Variants in TRIM46 observed in about 807,000 individuals in gnomAD.
The protein encoded by TRIM46 is tripartite motif containing 46, also known as tripartite motif-containing protein 46.
A neutral mutation model predicts 69.7 loss-of-function variants in TRIM46; 17 were observed. The observed-to-expected ratio is 0.24, with a 90% CI of 0.17 to 0.37. TRIM46 has a LOEUF of 0.37. Ranked by LOEUF, TRIM46 falls within the 10% of genes least tolerant of loss-of-function variation. The probability of loss-of-function intolerance (pLI) is 1.00; values close to 1 mark genes in which losing one functional copy is unlikely to be tolerated. For synonymous variants in TRIM46, 391 were observed against 429.0 expected, an observed-to-expected ratio of 0.91 and a Z score of 1.09; for missense variants, 675 against 1,025.1, an observed-to-expected ratio of 0.66 and a Z score of 4.66.
In TRIM46 at chr1:155,175,859, T is replaced by C. The variant is rs1438991265; in HGVS notation, c.326-29T>C. ...CACACCCAGCCAGCTGTAACTCTCA[T>C]GTCCTCTACCTCCCTGGTTCACCCA... On this transcript the variant is annotated intron_variant, in intron 2 of 9. Coordinates refer to ENST00000334634, the MANE Select transcript of TRIM46 (RefSeq NM_025058.5). The surrounding 1 kb of genome is among the most constrained non-coding windows in gnomAD (Gnocchi z 4.2). 7 of 1,585,376 alleles carry C rather than the reference T, an allele frequency of 4.4e-6. No individual in the cohort carries two copies. Among genetic ancestry groups the C allele is most frequent in the Non-Finnish European group, 6.0e-6 (7 of 1,166,420 alleles).
chr1:155,183,944 C>T lies in TRIM46; in HGVS notation c.2034C>T (p.Gly678=), dbSNP rs1175080875. The change falls in exon 10 of 10, where the codon GGC becomes GGT. Residue 678 remains glycine, a synonymous_variant. Coordinates refer to ENST00000334634, the MANE Select transcript of TRIM46 (RefSeq NM_025058.5). ...SSNAGLTGRD[G]PTAGCTVPLP... ...ACGCAGGGCTGACAGGGAGGGATGG[C>T]CCCACAGCCGGCTGCACAGTGCCCC... 22 of 1,613,762 alleles carry T rather than the reference C, an allele frequency of 1.4e-5. No homozygotes were observed. Among genetic ancestry groups the T allele is most frequent in the Non-Finnish European group, 1.9e-5 (22 of 1,180,028 alleles).
At position 155,175,689 on chromosome 1, in the gene TRIM46, T is replaced by C; in HGVS notation, c.325+42T>C. On this transcript the variant is annotated intron_variant, in intron 2 of 9. Coordinates refer to ENST00000334634, the MANE Select transcript of TRIM46 (RefSeq NM_025058.5). The surrounding 1 kb of genome is among the most constrained non-coding windows in gnomAD (Gnocchi z 4.2). ...TAGGGTGGGGATGGGAACGCTGAGCTATTCATCAGGAAGATGGAAGAAGTC... is the reference window on the plus strand; with the variant it reads ...TAGGGTGGGGATGGGAACGCTGAGCCATTCATCAGGAAGATGGAAGAAGTC... 2 of 1,611,906 alleles carry C rather than the reference T, an allele frequency of 1.2e-6. No individual in the cohort carries two copies. The highest frequency in any genetic ancestry group is 1.7e-6 in the Non-Finnish European group (2 of 1,179,910).
Position 155,184,096 on chromosome 1 carries a change from G to T in TRIM46, c.2186G>T (p.Cys729Phe), listed in dbSNP as rs768383812. The T allele has an allele frequency of 5.0e-6, 8 of 1,613,934 alleles. No homozygotes were observed. The African/African-American group carries it at 6.7e-5, about 13-fold the overall frequency. Residue 729 changes from cysteine (C) to phenylalanine (F), a missense_variant, in exon 10 of 10, where the codon TGC becomes TTC. By Grantham distance (205) the Cys-to-Phe change is radical. Coordinates refer to ENST00000334634, the MANE Select transcript of TRIM46 (RefSeq NM_025058.5). This position sits in a 1 kb window ranked among gnomAD's most constrained non-coding sequence, Gnocchi z 5.6. ...DCSGPVCPAF[C>F]FIGGGAVQLQ... ...TCAGGGCCTGTGTGCCCTGCCTTTT[G>T]CTTCATCGGGGGTGGCGCAGTACAG...
chr1:155,184,255 C>G lies in TRIM46; in HGVS notation c.*65C>G. 6.8e-7 allele frequency: 1 copy of G among 1,467,864 alleles called. No individual in the cohort carries two copies. Among genetic ancestry groups the G allele is most frequent in the Non-Finnish European group, 9.0e-7 (1 of 1,109,596 alleles). The allele number at this position is 1,467,864 out of a possible 1,614,324, so 90.9% of individuals were successfully genotyped here. A position where few individuals can be genotyped will look rare whatever the true frequency, so the allele number is the denominator to read the frequency against. On this transcript the variant is annotated 3_prime_UTR_variant, in exon 10 of 10. Transcript: ENST00000334634. The surrounding 1 kb of genome is among the most constrained non-coding windows in gnomAD (Gnocchi z 5.6). The stretch of plus-strand genomic sequence containing the variant: ...GCCCTGGCCCCCAAACCTCTTGGCA[C>G]CCGGTTGTTACCCCCTGGCAGCTTC...
At chr1:155,183,119 C>G (rs931328954) in intron 9 of TRIM46, among the ~76,000 whole-genome samples, 1 of 151,880 alleles carries the variant, frequency 6.6e-6, no homozygotes, top group African/African-American at 2.4e-5. Flanking sequence ...ACCGTGTTAG[C>G]CAGGATGGTC....
rs1050357755 is a variant in TRIM46 at position 155,184,683 on chromosome 1, C to G, written c.*493C>G. 6.3e-6 allele frequency: 1 copy of G among 159,776 alleles called. No homozygotes were observed. The highest frequency in any genetic ancestry group is 2.4e-5 in the African/African-American group (1 of 41,494). 9.9% of individuals were successfully genotyped at this position (159,776 alleles called of 1,614,324 possible). ...GTGAGGGGAAGGGGACCCTGTCATC[C>G]TGCTTTATTTATTTGGGTCCCAACA... On this transcript the variant is annotated 3_prime_UTR_variant, in exon 10 of 10. Coordinates refer to ENST00000334634, the MANE Select transcript of TRIM46 (RefSeq NM_025058.5). This position sits in a 1 kb window ranked among gnomAD's most constrained non-coding sequence, Gnocchi z 5.6.
In TRIM46 at chr1:155,175,031, C is replaced by T. The variant is rs1441226488; in HGVS notation, c.64-355C>T. On this transcript the variant is annotated intron_variant, in intron 1 of 9. Transcript: ENST00000334634. This position sits in a 1 kb window ranked among gnomAD's most constrained non-coding sequence, Gnocchi z 4.2. ...CATGGAGCTGCAGAATGGGCGGTGT[C>T]CTTGAGAAAAATGCCAGGGGCAAGC... 5 of 1,366,600 alleles carry T rather than the reference C, an allele frequency of 3.7e-6. No individual in the cohort carries two copies. Among genetic ancestry groups the T allele is most frequent in the Non-Finnish European group, 4.7e-6 (5 of 1,067,380 alleles). 84.7% of individuals were successfully genotyped at this position (1,366,600 alleles called of 1,614,324 possible). A position where few individuals can be genotyped will look rare whatever the true frequency, so the allele number is the denominator to read the frequency against.
chr1:155,178,957 C>T, intron 7 of TRIM46: 1 of 786,926 alleles, frequency 1.3e-6, no homozygotes, highest in Non-Finnish European at 1.9e-6. Context: ...TCTTTCCTGC[C>T]TTGCCCCGAC....
At chr1:155,178,411 C>T (rs1326777895) in intron 6 of TRIM46, 81 bp from the exon 7 acceptor site, 6 of 1,601,398 alleles carry the variant, frequency 3.7e-6, no homozygotes, top group Non-Finnish European at 4.3e-6. Context: ...TCCCAAGGCT[C>T]TAGGGGCAAG....
At position 155,183,893 on chromosome 1, in the gene TRIM46, C is replaced by G; in HGVS notation, c.1983C>G (p.Ile661Met). ...TCCTAACCATTGGCATGGGCAAGATCCTGCTGGGGTCGGGGGCAAGCTCAA... is the reference window on the plus strand; with the variant it reads ...TCCTAACCATTGGCATGGGCAAGATGCTGCTGGGGTCGGGGGCAAGCTCAA... ...FAFLTIGMGK[I>M]LLGSGASSNA... Residue 661 changes from isoleucine (I) to methionine (M), a missense_variant, in exon 10 of 10, where the codon ATC becomes ATG. By Grantham distance (10) the Ile-to-Met change is conservative. Coordinates refer to ENST00000334634, the MANE Select transcript of TRIM46 (RefSeq NM_025058.5). The G allele has an allele frequency of 6.2e-7, 1 of 1,613,650 alleles. No homozygotes were observed. The highest frequency in any genetic ancestry group is 1.1e-5 in the South Asian group (1 of 91,074).
rs751791451 is a variant in TRIM46 at position 155,175,540 on chromosome 1, C to A, written c.218C>A (p.Pro73His). 3.1e-6 allele frequency: 5 copies of A among 1,613,908 alleles called. No homozygotes were observed. In the South Asian group the frequency reaches 4.4e-5, roughly 14 times the overall value. The change falls in exon 2 of 10, where the codon CCC becomes CAC. Residue 73 changes from proline (P) to histidine (H), a missense_variant. Physicochemically the swap from Pro to His is moderately conservative, Grantham distance 77. Around this residue, in one of 5 missense-constraint regions of TRIM46, gnomAD observed 170 missense variants for 255.6 expected, o/e 0.67. Coordinates refer to ENST00000334634, the MANE Select transcript of TRIM46 (RefSeq NM_025058.5). This position sits in a 1 kb window ranked among gnomAD's most constrained non-coding sequence, Gnocchi z 4.2. Reference protein sequence around the residue: ...QQGYIGHGGDPSSEPTSPAST... With the variant: ...QQGYIGHGGDHSSEPTSPAST... ...GGCTACATAGGACATGGTGGGGACCCCAGCTCCGAGCCCACCTCTCCTGCC... is the reference window on the plus strand; with the variant it reads ...GGCTACATAGGACATGGTGGGGACCACAGCTCCGAGCCCACCTCTCCTGCC...
In TRIM46 at chr1:155,181,479, G is replaced by A. The variant is rs1255753774; in HGVS notation, c.1589-373G>A. Among the ~76,000 whole-genome samples the A allele has an allele frequency of 6.6e-6, 1 of 152,118 alleles. No individual in the cohort carries two copies. The highest frequency in any genetic ancestry group is 6.5e-5 in the Admixed American group (1 of 15,276). Reference sequence around the variant, plus strand: ...GGCCAGGTGTGAACCCAGAGTATGGGCTGGAAGGCACAGATTGATGGTGAT... The same window carrying A: ...GGCCAGGTGTGAACCCAGAGTATGGACTGGAAGGCACAGATTGATGGTGAT... On this transcript the variant is annotated intron_variant, in intron 8 of 9. Coordinates refer to ENST00000334634, the MANE Select transcript of TRIM46 (RefSeq NM_025058.5). The surrounding 1 kb of genome is among the most constrained non-coding windows in gnomAD (Gnocchi z 4.3).
At chr1:155,174,982 G>T in intron 1 of TRIM46, 1 of 1,383,830 alleles carries the variant, frequency 7.2e-7, no homozygotes, top group Non-Finnish European at 9.3e-7. Context: ...TGGGGGTGCT[G>T]CTAGAGAAGG....
chr1:155,183,793 G>T lies in TRIM46; in HGVS notation c.1887-4G>T, dbSNP rs952256276. 2 of 1,600,338 alleles carry T rather than the reference G, an allele frequency of 1.2e-6. No individual in the cohort carries two copies. The highest frequency in any genetic ancestry group is 1.1e-5 in the South Asian group (1 of 91,012). Reference sequence around the variant, plus strand: ...AATCTCGTCCCCAACACCCGCTTCTGCAGGTACGACCCGGACAGCGGGCAC... The same window carrying T: ...AATCTCGTCCCCAACACCCGCTTCTTCAGGTACGACCCGGACAGCGGGCAC... On this transcript the variant is annotated splice_region_variant and splice_polypyrimidine_tract_variant and intron_variant, in intron 9 of 9. Transcript: ENST00000334634.
chr1:155,174,394 T>C (rs2147774162), intron 1 of TRIM46: 1 of 437,404 alleles, frequency 2.3e-6, no homozygotes, highest in East Asian at 1.6e-4. Flanking sequence ...TGAGGACAGG[T>C]GGGGGATGAT....
At chr1:155,174,161 G>A in intron 1 of TRIM46, 132 bp downstream of exon 1, 1 of 1,066,374 alleles carries the variant, frequency 9.4e-7, no homozygotes, top group Non-Finnish European at 1.4e-6. Flanking sequence ...AGAAACGGCT[G>A]GGAGGGTCGG....
In TRIM46 at chr1:155,176,024, G is replaced by A. The variant is rs1331981534; in HGVS notation, c.462G>A (p.Glu154=). ...LAGLFRNLTL[E]RVVERYRQSV... ...GGCTTTTCCGGAACCTGACCCTGGA[G>A]CGTGTGGTGGAGCGGTACCGCCAGA... is the stretch of plus-strand genomic sequence containing the variant. The change falls in exon 3 of 10, where the codon GAG becomes GAA. Residue 154 remains glutamate, a synonymous_variant. Coordinates refer to ENST00000334634, the MANE Select transcript of TRIM46 (RefSeq NM_025058.5). The A allele has an allele frequency of 7.4e-6, 12 of 1,614,174 alleles. No individual in the cohort carries two copies. The highest frequency in any genetic ancestry group is 9.3e-6 in the Non-Finnish European group (11 of 1,180,010).
chr1:155,174,801 G>C, intron 1 of TRIM46: 1 of 1,455,672 alleles, frequency 6.9e-7, no homozygotes, highest in Non-Finnish European at 9.0e-7. Context: ...GCGGGAGAGG[G>C]CGGGAGGGCC....
At chr1:155,180,473 C>T (rs1457258115) in intron 8 of TRIM46, 1 of 429,454 alleles carries the variant, frequency 2.3e-6, no homozygotes, top group Non-Finnish European at 4.2e-6. Context: ...TGCGTGCCTA[C>T]AATTCCAGCT....
Sources: allele counts gnomAD v4.1 joint callset (sites outside exome capture counted in the v4.1 genomes callset), GRCh38; gene constraint gnomAD v4.1.1; regional missense constraint gnomAD v4.1.1; non-coding constraint Gnocchi (gnomAD v3.1); transcripts MANE v1.5; gene names NCBI Gene and HGNC (gene_info 2026-07-23, HGNC 2026-07-21).